DACH1: variants seen among roughly 807,000 people sequenced by gnomAD.
DACH1 encodes dachshund family transcription factor 1, also known as dachshund homolog 1.
Under a neutral mutation model 54.2 loss-of-function variants are expected in DACH1, and 12 were observed. The ratio of observed to expected loss-of-function variants is 0.22; its 90% CI spans 0.14 to 0.36. The LOEUF (loss-of-function observed/expected upper bound fraction) is 0.36, where lower values mean the gene tolerates loss of function less well. Ranked by LOEUF, DACH1 falls within the 10% of genes least tolerant of loss-of-function variation. The pLI, the probability that DACH1 is intolerant of heterozygous loss-of-function variation, is 1.00. For synonymous variants in DACH1, 386 were observed against 366.2 expected (o/e 1.05, Z -0.62); for missense variants, 805 against 929.8 (o/e 0.87, Z 1.75).
At chr13:71,668,356 G>GCTCAAATAATTAAAA in intron 2 of DACH1, among the ~76,000 whole-genome samples, 1 of 152,096 alleles carries the variant, frequency 6.6e-6, no homozygotes, top group African/African-American at 2.4e-5. Flanking sequence ...CAGGAAGTAA[G>GCTCAAATAATTAAAA]CTCAAATAAT....
At chr13:71,582,337 T>C (rs529788789) in intron 3 of DACH1, among the ~76,000 whole-genome samples, 2 of 152,272 alleles carry the variant, frequency 1.3e-5, no homozygotes, top group East Asian at 3.9e-4. Context: ...TTTAATAAGA[T>C]AATCAATACG....
At chr13:71,559,785 T>C (rs187346964) in intron 5 of DACH1, 35 bp downstream of exon 5, 4 of 1,612,898 alleles carry the variant, frequency 2.5e-6, no homozygotes. Flanking sequence ...CCTAATAAAG[T>C]TTAAAATGGT....
At chr13:71,466,515 T>G (rs1876579957) in intron 10 of DACH1, among the ~76,000 whole-genome samples, 1 of 152,140 alleles carries the variant, frequency 6.6e-6, no homozygotes. Flanking sequence ...ACTCTCATAG[T>G]GCCAACCCCC....
intron 6 of DACH1, among the ~76,000 whole-genome samples, chr13:71,514,411 T>C (rs534277012): frequency 2.5e-4 from 38 of 151,958 alleles, no homozygotes; most frequent in African/African-American, 8.7e-4. Flanking sequence ...TTAGTAAGGA[T>C]TTATATAAAA....
intron 1 of DACH1, among the ~76,000 whole-genome samples, chr13:71,774,082 A>T (rs1885970567): frequency 6.6e-6 from 1 of 151,964 alleles, no homozygotes; most frequent in Non-Finnish European, 1.5e-5. Flanking sequence ...ATATTCAGTG[A>T]TGTGACTCCC....
Position 71,439,937 on chromosome 13 carries a change from A to G in DACH1, c.*718T>C, listed in dbSNP as rs1441886733. On this transcript the variant is annotated 3_prime_UTR_variant, in exon 11 of 11. Coordinates refer to ENST00000613252, the MANE Select transcript of DACH1 (RefSeq NM_080759.6). The stretch of plus-strand genomic sequence containing the variant: ...CCAGTTTGGAATGAAAACATGTTAC[A>G]CTTATATATTTTTTTTTATTTTTAA... 6.6e-6 allele frequency: 1 copy of G among 152,064 alleles called. No individual in the cohort carries two copies. Among genetic ancestry groups the G allele is most frequent in the Non-Finnish European group, 1.5e-5 (1 of 67,810 alleles). The allele number at this position is 152,064 out of a possible 1,614,324, so 9.4% of individuals were successfully genotyped here.
At chr13:71,612,483 A>T (rs1003428280) in intron 3 of DACH1, among the ~76,000 whole-genome samples, 2 of 152,138 alleles carry the variant, frequency 1.3e-5, no homozygotes, top group Non-Finnish European at 2.9e-5. Flanking sequence ...CTTAAAAAAA[A>T]AGATTAGACC....
intron 3 of DACH1, among the ~76,000 whole-genome samples, chr13:71,589,737 A>G (rs961968874): frequency 2.6e-5 from 4 of 152,024 alleles, no homozygotes; most frequent in African/African-American, 4.8e-5. Flanking sequence ...ATTGAAATAA[A>G]CTTCAACCCC....
At chr13:71,716,182 C>G (rs1049727038) in intron 1 of DACH1, among the ~76,000 whole-genome samples, 2 of 151,992 alleles carry the variant, frequency 1.3e-5, no homozygotes, top group African/African-American at 4.8e-5. Context: ...TCATCATCTT[C>G]TATTGATTCT....
At chr13:71,518,424 C>G (rs943177262) in intron 6 of DACH1, among the ~76,000 whole-genome samples, 2 of 151,768 alleles carry the variant, frequency 1.3e-5, no homozygotes, top group Non-Finnish European at 2.9e-5. Flanking sequence ...CCCATCCAGG[C>G]TGTGGCATTT....
At chr13:71,621,208 T>G (rs936354684) in intron 3 of DACH1, among the ~76,000 whole-genome samples, 3 of 151,980 alleles carry the variant, frequency 2.0e-5, no homozygotes, top group Non-Finnish European at 4.4e-5. Context: ...ACTACACTTT[T>G]TGGCCGAACA....
At chr13:71,725,325 A>G (rs550351650) in intron 1 of DACH1, among the ~76,000 whole-genome samples, 1 of 152,276 alleles carries the variant, frequency 6.6e-6, no homozygotes, top group African/African-American at 2.4e-5. Context: ...AGAGAGAGAA[A>G]GTAAATAGAA....
intron 3 of DACH1, among the ~76,000 whole-genome samples, chr13:71,620,174 A>T (rs1194530392): frequency 1.3e-5 from 2 of 151,974 alleles, no homozygotes; most frequent in Non-Finnish European, 2.9e-5. Flanking sequence ...CCAAAAATAT[A>T]GTTAGGATAT....
rs138008619 is a variant in DACH1, at chr13:71,629,662, G to T, written c.1126+894C>A. The stretch of plus-strand genomic sequence containing the variant: ...AAATAATCTATGAAAATGCTGCATG[G>T]AAAAGAGAATTTAACTGAATGGCCG... On this transcript the variant is annotated intron_variant, in intron 3 of 10. Transcript: ENST00000613252. Among the ~76,000 whole-genome samples the T allele has an allele frequency of 2.3e-3, 351 of 152,174 alleles. 2 individuals carry two copies. The highest frequency in any genetic ancestry group is 7.9e-3 in the African/African-American group (327 of 41,542).
chr13:71,657,350 G>C (rs970839964), intron 2 of DACH1, among the ~76,000 whole-genome samples: 16 of 151,564 alleles, frequency 1.1e-4, no homozygotes, highest in Non-Finnish European at 1.5e-4. Context: ...AAATTAGCTG[G>C]GCATGGTGGC....
chr13:71,796,494 G>T (rs1392167634), intron 1 of DACH1, among the ~76,000 whole-genome samples: 1 of 151,506 alleles, frequency 6.6e-6, no homozygotes, highest in African/African-American at 2.4e-5. Flanking sequence ...ATTCCCATTA[G>T]AAATGCCATA....
intron 2 of DACH1, among the ~76,000 whole-genome samples, chr13:71,679,246 A>T (rs1398373576): frequency 6.6e-6 from 1 of 152,234 alleles, no homozygotes; most frequent in Admixed American, 6.5e-5. Context: ...TTTCAGAAAG[A>T]GTTCTTTCAA....
chr13:71,615,186 T>A (rs1875669511), intron 3 of DACH1, among the ~76,000 whole-genome samples: 1 of 152,168 alleles, frequency 6.6e-6, no homozygotes, highest in African/African-American at 2.4e-5. Flanking sequence ...CATTATTTAA[T>A]GTTAAAGTAT....
intron 2 of DACH1, among the ~76,000 whole-genome samples, chr13:71,632,316 TC>T (rs1004201075): frequency 1.4e-4 from 22 of 151,876 alleles, no homozygotes; most frequent in African/African-American, 4.3e-4. Flanking sequence ...CAGGCTGACA[TC>T]CCTCATCTGC....
Sources: gnomAD v4.1 joint callset for allele counts (sites outside exome capture counted in the v4.1 genomes callset) on GRCh38, gnomAD v4.1.1 for gene constraint, MANE v1.5 for transcripts, NCBI Gene and HGNC (gene_info 2026-07-23, HGNC 2026-07-21) for gene names.